Variants in NLK observed in about 807,000 individuals in gnomAD.
NLK encodes the protein serine/threonine-protein kinase NLK.
In NLK, 11 loss-of-function variants were observed where a neutral mutation model predicts 59.0. The ratio of observed to expected loss-of-function variants is 0.19; its 90% CI spans 0.12 to 0.31. The LOEUF (loss-of-function observed/expected upper bound fraction) is 0.31, where lower values mean the gene tolerates loss of function less well. Among genes scored for constraint, NLK ranks in the 10% least tolerant of loss-of-function variants. The probability of loss-of-function intolerance (pLI) is 1.00; values close to 1 mark genes in which losing one functional copy is unlikely to be tolerated. For synonymous variants in NLK, 235 were observed against 235.9 expected (o/e 1.00, Z 0.03); for missense variants, 410 against 661.1 (o/e 0.62, Z 4.16).
chr17:28,158,518 C>A (rs1422002489), intron 3 of NLK, among the ~76,000 whole-genome samples: 1 of 151,832 alleles, frequency 6.6e-6, no homozygotes, highest in African/African-American at 2.4e-5. Context: ...TAAATTAACC[C>A]TAGCTTACTG....
At position 28,063,613 on chromosome 17, in the gene NLK, G is replaced by A. The variant is rs187814684; in HGVS notation, c.458+20282G>A. Among the ~76,000 whole-genome samples, 17 of 152,154 alleles carry A rather than the reference G, an allele frequency of 1.1e-4. No individual in the cohort carries two copies. The East Asian group carries it at 3.1e-3, about 28-fold the overall frequency. On this transcript the variant is annotated intron_variant, in intron 1 of 10. Coordinates refer to ENST00000407008, the MANE Select transcript of NLK (RefSeq NM_016231.5). ...TGTTTACATAAAGTTCCTAATTCCT[G>A]TTCTCCAAAGATACTGCTTATATAG...
At chr17:28,180,296 A>T (rs149235678) in intron 7 of NLK, among the ~76,000 whole-genome samples, 10 of 152,326 alleles carry the variant, frequency 6.6e-5, no homozygotes, top group African/African-American at 2.4e-4. Flanking sequence ...TCAGCCACTC[A>T]TTCCATACCC....
At chr17:28,120,200 T>C (rs1436382904) in intron 1 of NLK, among the ~76,000 whole-genome samples, 1 of 152,038 alleles carries the variant, frequency 6.6e-6, no homozygotes, top group East Asian at 1.9e-4. Flanking sequence ...TTCTAGTTTA[T>C]GTGGATTTTA....
In NLK at chr17:28,051,111, G is replaced by C. The variant is rs147731187; in HGVS notation, c.458+7780G>C. ...AAAAAAAAAAAAGTCAGAAAATTAA[G>C]ATGGAGAAAAGGCCAAAAGGCCATT... On this transcript the variant is annotated intron_variant, in intron 1 of 10. Coordinates refer to ENST00000407008, the MANE Select transcript of NLK (RefSeq NM_016231.5). Among the ~76,000 whole-genome samples the C allele has an allele frequency of 1.6e-3, 235 of 150,160 alleles. 2 individuals are homozygous for C. The highest frequency in any genetic ancestry group is 5.4e-3 in the African/African-American group (221 of 40,740).
At position 28,043,089 on chromosome 17, in the gene NLK, T is replaced by TGCGGCAGCC. The variant is rs771854175; in HGVS notation, c.219_227dup (p.Ala81_Ala83dup). On this transcript the variant is annotated inframe_insertion, in exon 1 of 11. Coordinates refer to ENST00000407008, the MANE Select transcript of NLK (RefSeq NM_016231.5). Reference sequence around the variant, plus strand: ...TACAGCAGCACACCTCTTCGGCAGCTGCGGCAGCCGCAGCAGCGGCTGCAG... The same window carrying TGCGGCAGCC: ...TACAGCAGCACACCTCTTCGGCAGCTGCGGCAGCCGCGGCAGCCGCAGCAGCGGCTGCAG... 6.3e-7 allele frequency: 1 copy of TGCGGCAGCC among 1,578,342 alleles called. No individual in the cohort carries two copies. Among genetic ancestry groups the TGCGGCAGCC allele is most frequent in the South Asian group, 1.1e-5 (1 of 88,338 alleles).
intron 2 of NLK, among the ~76,000 whole-genome samples, chr17:28,128,100 A>C (rs545900887): frequency 1.3e-5 from 2 of 152,332 alleles, no homozygotes; most frequent in East Asian, 3.9e-4. Context: ...TACCATATAC[A>C]TAAATTAATT....
At chr17:28,055,789 G>C (rs1909421159) in intron 1 of NLK, among the ~76,000 whole-genome samples, 1 of 152,150 alleles carries the variant, frequency 6.6e-6, no homozygotes, top group South Asian at 2.1e-4. Context: ...CTAATTTAGG[G>C]AAAATAAACA....
intron 10 of NLK, 143 bp from the exon 11 acceptor site, chr17:28,194,439 T>C (rs2142076411): frequency 1.6e-6 from 1 of 607,454 alleles, no homozygotes. Context: ...CAACTTAGAA[T>C]AAATTCAACT....
downstream of NLK, among the ~76,000 whole-genome samples, chr17:28,197,622 G>A (rs988339879): frequency 2.0e-5 from 3 of 152,122 alleles, no homozygotes; most frequent in South Asian, 2.1e-4. Flanking sequence ...GAGTCAGTGT[G>A]GACAGGTAAG....
intron 1 of NLK, among the ~76,000 whole-genome samples, chr17:28,045,746 A>G (rs984524716): frequency 2.0e-5 from 3 of 152,228 alleles, no homozygotes; most frequent in Non-Finnish European, 4.4e-5. Flanking sequence ...TTGAAAACCA[A>G]ACTACCGGGA....
At chr17:28,108,227 A>G (rs2142799140) in intron 1 of NLK, among the ~76,000 whole-genome samples, 1 of 152,312 alleles carries the variant, frequency 6.6e-6, no homozygotes, top group South Asian at 2.1e-4. Flanking sequence ...CTGTCTTAAA[A>G]AAAAATAATT....
the NLK span, among the ~76,000 whole-genome samples, chr17:28,203,164 TACACACACAC>T: frequency 8.8e-5 from 12 of 137,020 alleles, no homozygotes; most frequent in Middle Eastern, 3.6e-3. Context: ...TATACATACA[TACACACACAC>T]ACACACACAC....
At chr17:28,066,480 G>T (rs1909828507) in intron 1 of NLK, among the ~76,000 whole-genome samples, 1 of 152,122 alleles carries the variant, frequency 6.6e-6, no homozygotes, top group African/African-American at 2.4e-5. Context: ...CTTGTTCATT[G>T]TATTAATATA....
At chr17:28,122,878 C>T (rs982134737) in intron 2 of NLK, 146 bp downstream of exon 2, 41 of 802,302 alleles carry the variant, frequency 5.1e-5, no homozygotes, top group Non-Finnish European at 7.5e-5. Flanking sequence ...AAGAAATAAG[C>T]GCACCAGTGA....
At chr17:28,087,382 TTTGGTTCTAGC>T (rs1910551540) in intron 1 of NLK, among the ~76,000 whole-genome samples, 1 of 152,158 alleles carries the variant, frequency 6.6e-6, no homozygotes, top group Non-Finnish European at 1.5e-5. Flanking sequence ...GTGAGAAAGA[TTTGGTTCTAGC>T]TTGGTTCTTT....
downstream of NLK, among the ~76,000 whole-genome samples, chr17:28,201,374 C>T (rs778953460): frequency 1.3e-4 from 18 of 138,126 alleles, no homozygotes; most frequent in Non-Finnish European, 2.6e-4. Context: ...TGAGCAACTG[C>T]ACCTGGTCTT....
chr17:28,111,137 CTT>C (rs1905456614), intron 1 of NLK, among the ~76,000 whole-genome samples: 1 of 151,926 alleles, frequency 6.6e-6, no homozygotes, highest in Admixed American at 6.6e-5. Flanking sequence ...GTTTGGAAGT[CTT>C]TTTCTGAATA....
At chr17:28,099,971 A>G (rs908155917) in intron 1 of NLK, among the ~76,000 whole-genome samples, 4 of 152,210 alleles carry the variant, frequency 2.6e-5, no homozygotes, top group Admixed American at 6.5e-5. Context: ...GTTCTTTGCT[A>G]TGGATGTACC....
At chr17:28,145,366 G>A (rs565719208) in intron 3 of NLK, among the ~76,000 whole-genome samples, 12 of 152,240 alleles carry the variant, frequency 7.9e-5, no homozygotes, top group Admixed American at 4.6e-4. Context: ...ACTAAGAAAC[G>A]CTTCAGGTTA....
Sources: allele counts gnomAD v4.1 joint callset (sites outside exome capture counted in the v4.1 genomes callset), GRCh38; gene constraint gnomAD v4.1.1; transcripts MANE v1.5; gene names NCBI Gene and HGNC (gene_info 2026-07-23, HGNC 2026-07-21).